The following HPSE2 variants were observed in gnomAD, a reference collection of about 807,000 sequenced individuals.
The protein encoded by HPSE2 is heparanase 2 (inactive).
HPSE2 carries 38 observed loss-of-function variants against 60.5 expected under a neutral mutation model. The observed-to-expected ratio is 0.63, with a 90% CI of 0.48 to 0.82. The LOEUF (loss-of-function observed/expected upper bound fraction) is 0.82. HPSE2 is among the 40% of genes least tolerant of loss of function. HPSE2 has a pLI of 0.00. For missense variants in HPSE2, 713 were observed against 740.4 expected (o/e 0.96, Z 0.43); for synonymous variants, 295 against 293.2 (o/e 1.01, Z -0.06).
chr10:98,503,091 A>C (rs1942079105), intron 9 of HPSE2, among the ~76,000 whole-genome samples: 1 of 152,024 alleles, frequency 6.6e-6, no homozygotes, highest in South Asian at 2.1e-4. Context: ...AGGCATCTGT[A>C]ATCTCAGCTA....
intron 3 of HPSE2, among the ~76,000 whole-genome samples, chr10:99,082,831 G>A (rs935653904): frequency 1.3e-5 from 2 of 152,082 alleles, no homozygotes; most frequent in African/African-American, 4.8e-5. Context: ...CCTAAGTTAA[G>A]GCTTAGAGCC....
At chr10:99,154,539 G>C (rs1314001473) in intron 2 of HPSE2, among the ~76,000 whole-genome samples, 111 of 149,496 alleles carry the variant, frequency 7.4e-4, no homozygotes, top group Admixed American at 4.2e-3. Context: ...ATACTTTACA[G>C]ACAAGCAAAT....
At chr10:99,302,376 C>T in the HPSE2 span, among the ~76,000 whole-genome samples, 1 of 144,854 alleles carries the variant, frequency 6.9e-6, no homozygotes, top group South Asian at 2.1e-4. Flanking sequence ...TGCTGTCCAG[C>T]TCCCAAAGGA....
chr10:98,509,835 G>A (rs1942328832), intron 9 of HPSE2, among the ~76,000 whole-genome samples: 1 of 151,970 alleles, frequency 6.6e-6, no homozygotes, highest in Admixed American at 6.6e-5. Flanking sequence ...CTTAACTCGG[G>A]AGGTTGGGAT....
chr10:98,976,800 A>G (rs1956096451), intron 3 of HPSE2, among the ~76,000 whole-genome samples: 1 of 152,088 alleles, frequency 6.6e-6, no homozygotes, highest in Non-Finnish European at 1.5e-5. Flanking sequence ...CTGTTACTTT[A>G]TTTGGAAAAA....
intron 2 of HPSE2, among the ~76,000 whole-genome samples, chr10:99,217,848 C>T (rs1052595747): frequency 3.9e-5 from 6 of 152,046 alleles, no homozygotes; most frequent in South Asian, 2.1e-4. Context: ...AGCCTCACAA[C>T]GTTTTGGGAC....
At chr10:98,945,044 G>A (rs1430438579) in intron 3 of HPSE2, among the ~76,000 whole-genome samples, 2 of 152,130 alleles carry the variant, frequency 1.3e-5, no homozygotes, top group African/African-American at 2.4e-5. Context: ...AATTCACTTA[G>A]GTGCAAATTC....
chr10:98,462,717 G>A (rs1056052679), intron 11 of HPSE2, among the ~76,000 whole-genome samples: 1 of 151,954 alleles, frequency 6.6e-6, no homozygotes, highest in Non-Finnish European at 1.5e-5. Context: ...CAGATGCTAG[G>A]GTTCCTAGTG....
chr10:98,868,085 AT>A (rs1250667878), intron 3 of HPSE2, among the ~76,000 whole-genome samples: 18 of 98,504 alleles, frequency 1.8e-4, no homozygotes, highest in Non-Finnish European at 8.8e-5. Context: ...AAGAAAATAA[AT>A]AAATAAATAA....
At chr10:99,062,602 A>T (rs1458413691) in intron 3 of HPSE2, among the ~76,000 whole-genome samples, 2 of 152,158 alleles carry the variant, frequency 1.3e-5, no homozygotes, top group East Asian at 3.9e-4. Context: ...ACCTTCAATC[A>T]GAGCCAAAAC....
At chr10:98,629,189 G>A (rs1351837889) in intron 7 of HPSE2, among the ~76,000 whole-genome samples, 1 of 152,206 alleles carries the variant, frequency 6.6e-6, no homozygotes, top group Non-Finnish European at 1.5e-5. Flanking sequence ...GGCCAGCTGG[G>A]CTAATCAGCC....
At chr10:99,253,151 C>T in the HPSE2 span, among the ~76,000 whole-genome samples, 1 of 152,006 alleles carries the variant, frequency 6.6e-6, no homozygotes, top group Admixed American at 6.6e-5. Flanking sequence ...TCATATGGAA[C>T]CTAAAAACAC....
chr10:98,847,728 C>T (rs1952067331), intron 3 of HPSE2, among the ~76,000 whole-genome samples: 3 of 152,190 alleles, frequency 2.0e-5, no homozygotes, highest in South Asian at 4.1e-4. Flanking sequence ...ATGTGATCTA[C>T]TCTGCAGACC....
chr10:98,701,630 T>TA (rs1948411645), intron 5 of HPSE2, among the ~76,000 whole-genome samples: 1 of 120,362 alleles, frequency 8.3e-6, no homozygotes, highest in African/African-American at 2.7e-5. Context: ...CCCTAAAACT[T>TA]AAAGTATAAT....
chr10:98,825,208 A>C (rs1480021541), intron 3 of HPSE2, among the ~76,000 whole-genome samples: 2 of 152,152 alleles, frequency 1.3e-5, no homozygotes, highest in Admixed American at 6.6e-5. Context: ...GGGAGAGGGA[A>C]AAAATGCATT....
chr10:99,128,156 G>T lies in HPSE2; in HGVS notation c.610+16082C>A, dbSNP rs1246945282. On this transcript the variant is annotated intron_variant, in intron 3 of 11. Coordinates refer to ENST00000370552, the MANE Select transcript of HPSE2 (RefSeq NM_021828.5). Reference sequence around the variant, plus strand: ...CAATACCTCATATCTCAATACTAATGTTGAATGTAAATGGCCTAAATGCTC... The same window carrying T: ...CAATACCTCATATCTCAATACTAATTTTGAATGTAAATGGCCTAAATGCTC... Among the ~76,000 whole-genome samples the T allele has an allele frequency of 2.0e-5, 3 of 152,126 alleles. No homozygotes were observed. In the South Asian group the frequency reaches 6.2e-4, roughly 32 times the overall value.
chr10:99,006,423 G>C (rs950018517), intron 3 of HPSE2, among the ~76,000 whole-genome samples: 2 of 152,310 alleles, frequency 1.3e-5, no homozygotes. Context: ...ACAGGATCTT[G>C]CCTTGTATCT....
chr10:98,970,348 T>C (rs1955920366), intron 3 of HPSE2, among the ~76,000 whole-genome samples: 2 of 152,156 alleles, frequency 1.3e-5, no homozygotes, highest in African/African-American at 2.4e-5. Flanking sequence ...AAGCCATTTA[T>C]GAGGGATCTG....
At chr10:98,811,322 T>C (rs1471709071) in intron 3 of HPSE2, among the ~76,000 whole-genome samples, 1 of 152,166 alleles carries the variant, frequency 6.6e-6, no homozygotes, top group East Asian at 1.9e-4. Context: ...AGTTGTTTAA[T>C]ACCTATTTGC....
Sources: allele counts gnomAD v4.1 joint callset (sites outside exome capture counted in the v4.1 genomes callset), GRCh38; gene constraint gnomAD v4.1.1; transcripts MANE v1.5; gene names NCBI Gene and HGNC (gene_info 2026-07-23, HGNC 2026-07-21).